The following LIMCH1 variants were observed in gnomAD, a reference collection of about 807,000 sequenced individuals.
The protein encoded by LIMCH1 is LIM and calponin homology domains 1, also known as LIM and calponin homology domains-containing protein 1.
A neutral mutation model predicts 176.5 loss-of-function variants in LIMCH1; 113 were observed. The ratio of observed to expected loss-of-function variants is 0.64; its 90% CI spans 0.55 to 0.75. LIMCH1 has a LOEUF of 0.75. LIMCH1 is among the 30% of genes least tolerant of loss of function. The pLI is 0.00. For missense variants in LIMCH1, 1,674 were observed against 1,814.9 expected, an observed-to-expected ratio of 0.92 and a Z score of 1.41; for synonymous variants, 619 against 645.9, an observed-to-expected ratio of 0.96 and a Z score of 0.63.
At chr4:41,502,288 C>T (rs1223019538) in intron 2 of LIMCH1, among the ~76,000 whole-genome samples, 9 of 152,180 alleles carry the variant, frequency 5.9e-5, no homozygotes, top group Admixed American at 5.2e-4. Flanking sequence ...ATCTGTACCA[C>T]ATTTTCTTTA....
chr4:41,451,413 A>G (rs1013768183), intron 1 of LIMCH1, among the ~76,000 whole-genome samples: 1 of 152,026 alleles, frequency 6.6e-6, no homozygotes, highest in South Asian at 2.1e-4. Context: ...GGCATGAGCC[A>G]CCGTGCCCGG....
intron 1 of LIMCH1, among the ~76,000 whole-genome samples, chr4:41,597,255 T>C (rs1382517106): frequency 1.3e-5 from 2 of 152,192 alleles, no homozygotes; most frequent in African/African-American, 4.8e-5. Flanking sequence ...TGTGTGATCT[T>C]GGACAATTTG....
chr4:41,644,000 G>T (rs2093942968), intron 14 of LIMCH1, among the ~76,000 whole-genome samples: 1 of 152,256 alleles, frequency 6.6e-6, no homozygotes, highest in South Asian at 2.1e-4. Context: ...TGGAGAAATT[G>T]CCTCCATTCA....
At chr4:41,582,148 C>G (rs1291230676) in intron 1 of LIMCH1, among the ~76,000 whole-genome samples, 1 of 152,142 alleles carries the variant, frequency 6.6e-6, no homozygotes, top group Non-Finnish European at 1.5e-5. Context: ...AGTGCTAGTC[C>G]TAAAATAGTT....
At chr4:41,371,836 A>G (rs1021318140) in intron 1 of LIMCH1, among the ~76,000 whole-genome samples, 1 of 152,202 alleles carries the variant, frequency 6.6e-6, no homozygotes, top group African/African-American at 2.4e-5. Context: ...AGGCTCTGGC[A>G]TTCTGAACAA....
At chr4:41,584,720 G>T (rs2086144236) in intron 1 of LIMCH1, among the ~76,000 whole-genome samples, 1 of 151,968 alleles carries the variant, frequency 6.6e-6, no homozygotes, top group African/African-American at 2.4e-5. Context: ...TAACAAAATT[G>T]ACCATTTTAA....
At position 41,633,051 on chromosome 4, in the gene LIMCH1, A is replaced by G. The variant is rs1185103140; in HGVS notation, c.1795A>G (p.Lys599Glu). 1 of 1,535,826 alleles carries G rather than the reference A, an allele frequency of 6.5e-7. No homozygotes were observed. The highest frequency in any genetic ancestry group is 1.4e-5 in the African/African-American group (1 of 73,036). Residue 599 changes from lysine to glutamate, a missense_variant, in exon 12 of 32, where the codon AAG becomes GAG. By Grantham distance (56) the Lys-to-Glu change is moderately conservative (BLOSUM62 1). Around this residue, in one of 3 missense-constraint regions of LIMCH1, gnomAD observed 1,015 missense variants for 1,102.5 expected, o/e 0.92. Transcript: ENST00000503057. ...TCCAAGAGATTCTGAGAGGCTGTCA[A>G]AGGCAGAAAGATCAGAGGACAGCAG... ...SAPRDSERLS[K>E]AERSEDSSQP... is the part of the protein sequence containing the mutation.
chr4:41,411,956 C>CAAAAA (rs61054692), intron 1 of LIMCH1, among the ~76,000 whole-genome samples: 19 of 38,574 alleles, frequency 4.9e-4, no homozygotes, highest in Non-Finnish European at 6.1e-4. Flanking sequence ...GACTCCATCT[C>CAAAAA]AAAAAAAAAA....
chr4:41,634,931 G>A lies in LIMCH1; in HGVS notation c.2090+1123G>A, dbSNP rs1257723828. Among the ~76,000 whole-genome samples the A allele has an allele frequency of 2.6e-5, 4 of 152,336 alleles. No individual in the cohort carries two copies. The East Asian group carries it at 7.7e-4, about 29-fold the overall frequency. ...TTCCAGATGCCCTGGACTTGACCCT[G>A]GATCCGCGGGCTTCTGTAAAGCAAG... On this transcript the variant is annotated intron_variant, in intron 13 of 31. Transcript: ENST00000503057.
chr4:41,447,814 AG>A lies in LIMCH1; in HGVS notation c.97-46719del, dbSNP rs1166648164. On this transcript the variant is annotated intron_variant, in intron 1 of 26. Coordinates refer to the LIMCH1 transcript ENST00000313860. ...AGCATTTTTTTTTCGTTTTTGAGAC[AG>A]GGTCTCCCTCTGTCTCCCAGTCTGG... 2.6e-5 allele frequency among the ~76,000 whole-genome samples: 4 copies of A among 152,164 alleles called. No individual in the cohort carries two copies. In the East Asian group the frequency reaches 7.8e-4, roughly 30 times the overall value.
At chr4:41,680,840 C>T in intron 24 of LIMCH1, 115 bp from the exon 25 acceptor site, 1 of 545,770 alleles carries the variant, frequency 1.8e-6, no homozygotes, top group Non-Finnish European at 3.4e-6. Flanking sequence ...TTTAAAATGC[C>T]CTGCTTGTTC....
chr4:41,363,828 G>A (rs2052539855), intron 1 of LIMCH1, among the ~76,000 whole-genome samples: 2 of 152,202 alleles, frequency 1.3e-5, no homozygotes, highest in South Asian at 4.1e-4. Context: ...ATAGCTGTAG[G>A]AACAGGTTGC....
At chr4:41,376,986 C>T (rs1383969197) in intron 1 of LIMCH1, among the ~76,000 whole-genome samples, 2 of 152,106 alleles carry the variant, frequency 1.3e-5, no homozygotes, top group African/African-American at 2.4e-5. Context: ...AAATCTGCTA[C>T]GAGCTCTTAA....
At chr4:41,454,489 G>A (rs1582461133) in intron 1 of LIMCH1, among the ~76,000 whole-genome samples, 1 of 152,012 alleles carries the variant, frequency 6.6e-6, no homozygotes, top group Non-Finnish European at 1.5e-5. Flanking sequence ...GAGAGAGAAT[G>A]TGCATCTGGG....
intron 1 of LIMCH1, among the ~76,000 whole-genome samples, chr4:41,468,030 A>G (rs1467760874): frequency 6.6e-6 from 1 of 152,192 alleles, no homozygotes; most frequent in Non-Finnish European, 1.5e-5. Context: ...TAAAAATGAC[A>G]GCTCTTTGGA....
chr4:41,613,099 G>A (rs1056544891), intron 4 of LIMCH1: 1 of 1,552,008 alleles, frequency 6.4e-7, no homozygotes. Context: ...ACAAGTCAAG[G>A]TTAAGGTTTT....
intron 1 of LIMCH1, among the ~76,000 whole-genome samples, chr4:41,564,064 T>C (rs950472083): frequency 6.6e-6 from 1 of 152,202 alleles, no homozygotes; most frequent in Admixed American, 6.5e-5. Context: ...AGCCAGCAGA[T>C]AATACAATAC....
chr4:41,505,550 G>A (rs899166745), intron 2 of LIMCH1, among the ~76,000 whole-genome samples: 1 of 152,144 alleles, frequency 6.6e-6, no homozygotes, highest in Non-Finnish European at 1.5e-5. Flanking sequence ...GACCTCTGTG[G>A]TGATGTCATT....
intron 1 of LIMCH1, among the ~76,000 whole-genome samples, chr4:41,447,394 C>T (rs967582347): frequency 2.0e-5 from 3 of 152,154 alleles, no homozygotes; most frequent in Non-Finnish European, 4.4e-5. Flanking sequence ...TTGTCTATAT[C>T]TGGAAAGAAG....
Sources: allele counts gnomAD v4.1 joint callset (sites outside exome capture counted in the v4.1 genomes callset), GRCh38; gene constraint gnomAD v4.1.1; regional missense constraint gnomAD v4.1.1; transcripts MANE v1.5; gene names NCBI Gene and HGNC (gene_info 2026-07-23, HGNC 2026-07-21).